PUM2: variants seen among roughly 807,000 people sequenced by gnomAD.
The protein encoded by PUM2 is pumilio homolog 2.
A neutral mutation model predicts 124.5 loss-of-function variants in PUM2; 57 were observed. That is an observed-to-expected ratio of 0.46 (90% CI 0.37 to 0.57). PUM2 has a LOEUF of 0.57. PUM2 is among the 20% of genes least tolerant of loss of function. The pLI is 0.00. For missense variants in PUM2, 1,065 were observed against 1,290.6 expected (o/e 0.83, Z 2.68); for synonymous variants, 460 against 446.1 (o/e 1.03, Z -0.39).
intron 2 of PUM2, among the ~76,000 whole-genome samples, chr2:20,322,868 AAC>A (rs1291971625): frequency 6.6e-6 from 1 of 152,154 alleles, no homozygotes; most frequent in Non-Finnish European, 1.5e-5. Flanking sequence ...TAGAGAACAA[AAC>A]ACAAAGTAAC....
At chr2:20,258,573 T>A (rs940851948) in intron 15 of PUM2, among the ~76,000 whole-genome samples, 1 of 152,106 alleles carries the variant, frequency 6.6e-6, no homozygotes, top group Non-Finnish European at 1.5e-5. Flanking sequence ...CTTACTAAAA[T>A]TTCCTTGTTA....
chr2:20,253,042 T>C (rs1373557942), intron 20 of PUM2, among the ~76,000 whole-genome samples: 2 of 152,332 alleles, frequency 1.3e-5, no homozygotes, highest in Non-Finnish European at 2.9e-5. Context: ...TATAAGGGAC[T>C]TGAGCATCCG....
At chr2:20,294,568 G>C (rs760543804) in intron 8 of PUM2, 50 bp from the exon 9 acceptor site, 4 of 1,538,056 alleles carry the variant, frequency 2.6e-6, no homozygotes, top group East Asian at 2.3e-5. Flanking sequence ...ATTTTACATA[G>C]ACATGAGGTT....
intron 5 of PUM2, among the ~76,000 whole-genome samples, chr2:20,309,544 G>A (rs1679137684): frequency 6.6e-6 from 1 of 151,526 alleles, no homozygotes; most frequent in Non-Finnish European, 1.5e-5. Context: ...CACCTTCATG[G>A]TCTAAACTTA....
At chr2:20,278,952 C>A in intron 12 of PUM2, 133 bp from the exon 13 acceptor site, 1 of 687,550 alleles carries the variant, frequency 1.5e-6, no homozygotes. Flanking sequence ...AAGATAATTA[C>A]TGTGATAACT....
In PUM2 at chr2:20,256,063, T is replaced by C. The variant is rs780098248; in HGVS notation, c.2592A>G (p.Leu864=). Residue 864 remains leucine (L), a synonymous_variant, in exon 17 of 21, where the codon CTA becomes CTG. Coordinates refer to ENST00000361078, the MANE Select transcript of PUM2 (RefSeq NM_015317.5). ...CCTTGAAAGCATCAATGATGAACTG[T>C]AGTGACTGTGGCTGAACACATTCGA... ...KCIECVQPQS[L]QFIIDAFKGQ... 1 of 1,592,370 alleles carries C rather than the reference T, an allele frequency of 6.3e-7. No homozygotes were observed. Among genetic ancestry groups the C allele is most frequent in the South Asian group, 1.2e-5 (1 of 86,768 alleles).
intron 1 of PUM2, among the ~76,000 whole-genome samples, chr2:20,337,570 T>C (rs1686385535): frequency 1.3e-5 from 2 of 152,186 alleles, no homozygotes; most frequent in African/African-American, 2.4e-5. Flanking sequence ...AAAATACATA[T>C]AGCAGTCTGA....
chr2:20,264,796 G>A (rs767815709), intron 13 of PUM2, among the ~76,000 whole-genome samples: 9 of 152,104 alleles, frequency 5.9e-5, no homozygotes, highest in East Asian at 3.9e-4. Flanking sequence ...AAAGCTATAC[G>A]GAGGTATTAA....
At chr2:20,287,388 C>A (rs1022876543) in intron 10 of PUM2, among the ~76,000 whole-genome samples, 1 of 151,902 alleles carries the variant, frequency 6.6e-6, no homozygotes, top group Non-Finnish European at 1.5e-5. Context: ...ATGAAAGGGA[C>A]CATATTAAAA....
At chr2:20,276,398 C>A (rs1363496446) in intron 13 of PUM2, among the ~76,000 whole-genome samples, 1 of 151,788 alleles carries the variant, frequency 6.6e-6, no homozygotes, top group Non-Finnish European at 1.5e-5. Context: ...ATGGTTGTAA[C>A]ATTCACATCT....
chr2:20,270,484 C>T (rs552344737), intron 13 of PUM2, among the ~76,000 whole-genome samples: 1 of 152,220 alleles, frequency 6.6e-6, no homozygotes, highest in East Asian at 1.9e-4. Context: ...CATTTATTGT[C>T]TCTCTTGATG....
intron 2 of PUM2, 152 bp from the exon 3 acceptor site, chr2:20,318,797 GTAAATTAA>G (rs1263590875): frequency 1.9e-6 from 1 of 517,236 alleles, no homozygotes; most frequent in Non-Finnish European, 3.3e-6. Flanking sequence ...TTTGTTAATA[GTAAATTAA>G]CTCCCCATTT....
intron 1 of PUM2, among the ~76,000 whole-genome samples, chr2:20,328,967 T>A (rs1001476360): frequency 6.6e-6 from 1 of 151,872 alleles, no homozygotes; most frequent in Non-Finnish European, 1.5e-5. Context: ...AGCCCAGGAA[T>A]TGAGACCAGC....
intron 1 of PUM2, among the ~76,000 whole-genome samples, chr2:20,333,221 T>C (rs968377888): frequency 1.3e-5 from 2 of 152,198 alleles, no homozygotes; most frequent in Admixed American, 1.3e-4. Context: ...ATAGTTTTCC[T>C]ATTTACTAGT....
intron 1 of PUM2, among the ~76,000 whole-genome samples, chr2:20,334,857 T>C (rs1471383724): frequency 6.6e-6 from 1 of 152,188 alleles, no homozygotes; most frequent in Non-Finnish European, 1.5e-5. Flanking sequence ...GACAACAAAA[T>C]TACATAAAAA....
At chr2:20,267,588 G>C (rs1236206134) in intron 13 of PUM2, among the ~76,000 whole-genome samples, 1 of 152,198 alleles carries the variant, frequency 6.6e-6, no homozygotes, top group Non-Finnish European at 1.5e-5. Context: ...AGTATTAAAA[G>C]AGATAAGGTC....
intron 13 of PUM2, among the ~76,000 whole-genome samples, chr2:20,268,293 T>A (rs1271424570): frequency 6.6e-6 from 1 of 152,180 alleles, no homozygotes; most frequent in African/African-American, 2.4e-5. Flanking sequence ...ACAACAGATT[T>A]TCAACTAGTA....
Position 20,251,385 on chromosome 2 carries a change from A to G in PUM2, c.*200T>C. The G allele has an allele frequency of 1.8e-6, 1 of 564,108 alleles. No individual in the cohort carries two copies. The highest frequency in any genetic ancestry group is 2.9e-6 in the Non-Finnish European group (1 of 340,012). 34.9% of individuals were successfully genotyped at this position (564,108 alleles called of 1,614,324 possible). On this transcript the variant is annotated 3_prime_UTR_variant, in exon 21 of 21. Transcript: ENST00000361078. ...CTGATAGGTCTCCACTCAGGGCTGA[A>G]TATAATTTATAATTCATCCCCCACC...
rs186441262 is a variant in PUM2, at chr2:20,263,847, A to C, written c.1958-387T>G. Among the ~76,000 whole-genome samples the C allele has an allele frequency of 2.4e-3, 361 of 152,318 alleles. 3 individuals carry two copies. Among genetic ancestry groups the C allele is most frequent in the Non-Finnish European group, 4.5e-3 (308 of 68,026 alleles). On this transcript the variant is annotated intron_variant, in intron 13 of 20. Coordinates refer to ENST00000361078, the MANE Select transcript of PUM2 (RefSeq NM_015317.5). Reference sequence around the variant, plus strand: ...CATTTTAAGCCACTGAAATAGACTGAAATTCATTAGCATTATTAACACAAT... The same window carrying C: ...CATTTTAAGCCACTGAAATAGACTGCAATTCATTAGCATTATTAACACAAT...
Sources: gnomAD v4.1 joint callset for allele counts (sites outside exome capture counted in the v4.1 genomes callset) on GRCh38, gnomAD v4.1.1 for gene constraint, MANE v1.5 for transcripts, NCBI Gene and HGNC (gene_info 2026-07-23, HGNC 2026-07-21) for gene names.